The following BMAL2 variants were observed in gnomAD, a reference collection of about 807,000 sequenced individuals.
BMAL2 encodes the protein basic helix-loop-helix ARNT-like protein 2.
At chr12:27,422,512 A>C in the BMAL2 span, 4 of 152,224 alleles carry the variant, frequency 2.6e-5, no homozygotes, top group Admixed American at 2.6e-4. Context: ...GTGGGCAAGG[A>C]TGTATTGGCA....
chr12:27,412,326 G>T, the BMAL2 span, among the ~76,000 whole-genome samples: 6 of 152,172 alleles, frequency 3.9e-5, no homozygotes, highest in Non-Finnish European at 7.3e-5. Context: ...AGAAAACAGA[G>T]ACTCAATTGA....
At chr12:27,375,848 G>A in the BMAL2 span, among the ~76,000 whole-genome samples, 2 of 152,076 alleles carry the variant, frequency 1.3e-5, no homozygotes, top group South Asian at 4.2e-4. Flanking sequence ...AATATTATTG[G>A]TAAGAGTTTC....
chr12:27,360,861 A>G, the BMAL2 span, among the ~76,000 whole-genome samples: 3 of 145,840 alleles, frequency 2.1e-5, no homozygotes, highest in Non-Finnish European at 3.0e-5. Context: ...TGGGACCACA[A>G]AGATTTTTCC....
chr12:27,343,269 T>C, the BMAL2 span, among the ~76,000 whole-genome samples: 2 of 152,244 alleles, frequency 1.3e-5, no homozygotes, highest in East Asian at 3.8e-4. Context: ...AGTGTCCTGC[T>C]TCCTTTTTTA....
At chr12:27,380,409 GT>G in the BMAL2 span, 1 of 1,613,996 alleles carries the variant, frequency 6.2e-7, no homozygotes, top group Non-Finnish European at 8.5e-7. Flanking sequence ...TAAAAGGTGA[GT>G]TTGACGATGG....
chr12:27,343,595 A>C, the BMAL2 span, among the ~76,000 whole-genome samples: 1 of 152,024 alleles, frequency 6.6e-6, no homozygotes, highest in African/African-American at 2.4e-5. Flanking sequence ...GACCATCCAA[A>C]TCTAAATACG....
chr12:27,361,326 A>G, the BMAL2 span, among the ~76,000 whole-genome samples: 19 of 152,366 alleles, frequency 1.2e-4, no homozygotes, highest in East Asian at 3.5e-3. Flanking sequence ...ATTGATTATC[A>G]TCACCAGGGA....
chr12:27,353,197 C>T, the BMAL2 span, among the ~76,000 whole-genome samples: 19,290 of 152,102 alleles, frequency 0.13, 1,402 homozygotes, highest in Non-Finnish European at 0.17. Context: ...CAGCAGTAAC[C>T]AAAACAGCAT....
the BMAL2 span, among the ~76,000 whole-genome samples, chr12:27,354,095 C>T: frequency 1.3e-5 from 2 of 152,152 alleles, no homozygotes; most frequent in Non-Finnish European, 2.9e-5. Context: ...ATAAATTGTT[C>T]TACCAAAAAG....
chr12:27,379,191 A>G, the BMAL2 span, among the ~76,000 whole-genome samples: 1 of 152,214 alleles, frequency 6.6e-6, no homozygotes, highest in African/African-American at 2.4e-5. Flanking sequence ...GATAAACCCT[A>G]TAAATCAGGA....
chr12:27,352,311 C>T, the BMAL2 span, among the ~76,000 whole-genome samples: 1 of 152,242 alleles, frequency 6.6e-6, no homozygotes. Flanking sequence ...TTTTTGAGTA[C>T]TGGCATGACA....
At chr12:27,414,319 G>A in the BMAL2 span, among the ~76,000 whole-genome samples, 49 of 152,262 alleles carry the variant, frequency 3.2e-4, 1 homozygote, top group Non-Finnish European at 1.5e-4. Context: ...GACTAAAGAC[G>A]TGAACACTCC....
At chr12:27,333,278 G>A in the BMAL2 span, 1 of 624,332 alleles carries the variant, frequency 1.6e-6, no homozygotes, top group African/African-American at 2.0e-5. Flanking sequence ...CGCCCCGTGG[G>A]GCACAGGTGC....
chr12:27,360,803 C>CAAAAAAAAAAAAAAA, the BMAL2 span, among the ~76,000 whole-genome samples: 985 of 46,752 alleles, frequency 0.021, 230 homozygotes, highest in Middle Eastern at 0.036. Flanking sequence ...GTGATTTGTC[C>CAAAAAAAAAAAAAAA]AAAAAAAAAA....
chr12:27,337,908 G>A, the BMAL2 span, among the ~76,000 whole-genome samples: 4 of 152,142 alleles, frequency 2.6e-5, no homozygotes, highest in African/African-American at 9.6e-5. Flanking sequence ...GAATCTCCTC[G>A]TCACCCAAAT....
the BMAL2 span, among the ~76,000 whole-genome samples, chr12:27,359,817 C>A: frequency 1.2e-4 from 18 of 152,118 alleles, no homozygotes; most frequent in Admixed American, 1.2e-3. Context: ...ATAAACCTTT[C>A]CTCTGCCACT....
chr12:27,396,994 C>T, the BMAL2 span, among the ~76,000 whole-genome samples: 4 of 152,228 alleles, frequency 2.6e-5, no homozygotes, highest in South Asian at 2.1e-4. Context: ...TTCATATGGT[C>T]GTTTTGAAAT....
the BMAL2 span, among the ~76,000 whole-genome samples, chr12:27,333,327 C>T: frequency 2.0e-5 from 3 of 151,958 alleles, no homozygotes; most frequent in African/African-American, 7.2e-5. Flanking sequence ...GAGCGGGACG[C>T]GGGGAGGGGA....
At chr12:27,336,981 C>T in the BMAL2 span, among the ~76,000 whole-genome samples, 5 of 142,432 alleles carry the variant, frequency 3.5e-5, no homozygotes, top group South Asian at 4.5e-4. Flanking sequence ...GTATTTTAAA[C>T]TTCCTTAAAA....
Sources: gnomAD v4.1 joint callset for allele counts (sites outside exome capture counted in the v4.1 genomes callset) on GRCh38, gnomAD v4.1.1 for gene constraint, MANE v1.5 for transcripts, NCBI Gene and HGNC (gene_info 2026-07-23, HGNC 2026-07-21) for gene names.